CLSPN: variants seen among roughly 807,000 people sequenced by gnomAD.
CLSPN encodes claspin homolog.
Under a neutral mutation model 156.3 loss-of-function variants are expected in CLSPN, and 85 were observed. The observed-to-expected ratio is 0.54, with a 90% CI of 0.46 to 0.65. The LOEUF is 0.65. Among genes scored for constraint, CLSPN ranks in the 30% least tolerant of loss-of-function variants. The pLI is 0.00. For missense variants in CLSPN, 1,407 were observed against 1,554.9 expected, an observed-to-expected ratio of 0.90 and a Z score of 1.60; for synonymous variants, 534 against 542.4, an observed-to-expected ratio of 0.98 and a Z score of 0.22.
chr1:35,763,146 C>CT lies in CLSPN; in HGVS notation c.744+13_744+14insA. 6.5e-7 allele frequency: 1 copy of CT among 1,530,746 alleles called. No homozygotes were observed. The allele number at this position is 1,530,746 out of a possible 1,614,324, so 94.8% of individuals were successfully genotyped here. ...GCAGTTGATTAACTCTTATTGCAAT[C>CT]ATGCTTTACTTGCCTTGTGCTTTTT... On this transcript the variant is annotated intron_variant, in intron 4 of 24. Coordinates refer to ENST00000318121, the MANE Select transcript of CLSPN (RefSeq NM_022111.4).
At chr1:35,726,173 A>AAAAAAAAAAAAAC in intron 24 of CLSPN, among the ~76,000 whole-genome samples, 1 of 150,978 alleles carries the variant, frequency 6.6e-6, no homozygotes, top group Admixed American at 6.6e-5. Context: ...AAAAAAAAAA[A>AAAAAAAAAAAAAC]AAGCGCATAG....
chr1:35,747,718 A>C (rs1413491519), intron 14 of CLSPN, among the ~76,000 whole-genome samples, 189 bp downstream of exon 14: 1 of 152,252 alleles, frequency 6.6e-6, no homozygotes, highest in Non-Finnish European at 1.5e-5. Flanking sequence ...GAATGTTAGC[A>C]AGAGCTATTT....
Position 35,748,593 on chromosome 1 carries a change from A to C in CLSPN, c.2284T>G (p.Ser762Ala). ...CTCTCCTTTGTTAGCAATGAACATG[A>C]ATCATCCTCATCTAAAGAAAGAGAA... ...KQPSKLDEDD[S>A]CSLLTKESSH... Residue 762 changes from serine to alanine, a missense_variant, in exon 13 of 25, where the codon TCA (serine) becomes GCA (alanine). Ser to Ala is a moderately conservative substitution (Grantham distance 99, BLOSUM62 1). Around this residue, in one of 3 missense-constraint regions of CLSPN, gnomAD observed 1,096 missense variants for 1,193.0 expected, o/e 0.92. Coordinates refer to ENST00000318121, the MANE Select transcript of CLSPN (RefSeq NM_022111.4). 1 of 1,613,864 alleles carries C rather than the reference A, an allele frequency of 6.2e-7. No homozygotes were observed.
chr1:35,723,881 C>T (rs1331632329), intron 24 of CLSPN, among the ~76,000 whole-genome samples: 1 of 152,180 alleles, frequency 6.6e-6, no homozygotes, highest in Non-Finnish European at 1.5e-5. Context: ...ATCCCAGCTA[C>T]TTGGGAGGCT....
At chr1:35,762,926 G>T (rs1008631888) in intron 4 of CLSPN, among the ~76,000 whole-genome samples, 3 of 147,636 alleles carry the variant, frequency 2.0e-5, no homozygotes, top group Non-Finnish European at 3.0e-5. Flanking sequence ...TATCTTAGTG[G>T]TTTTTTTTTT....
chr1:35,749,959 T>G, intron 10 of CLSPN, 148 bp from the exon 11 acceptor site: 1 of 923,514 alleles, frequency 1.1e-6, no homozygotes, highest in East Asian at 2.8e-5. Flanking sequence ...ATATGACCAT[T>G]ATCAACATAA....
rs1421466815 is a variant in CLSPN, at chr1:35,733,118, C to A, written c.*3378G>T. ...TAGCTGGGACTACAGGCACCTGCCA[C>A]CACCAAGCCTGGCTGATTTTTGTAT... On this transcript the variant is annotated 3_prime_UTR_variant, in exon 25 of 25. Coordinates refer to ENST00000318121, the MANE Select transcript of CLSPN (RefSeq NM_022111.4). 1 of 228,490 alleles carries A rather than the reference C, an allele frequency of 4.4e-6. No homozygotes were observed. The highest frequency in any genetic ancestry group is 7.2e-6 in the Non-Finnish European group (1 of 138,064). 14.2% of individuals were successfully genotyped at this position (228,490 alleles called of 1,614,324 possible).
At position 35,734,362 on chromosome 1, in the gene CLSPN, G is replaced by C; in HGVS notation, c.*2134C>G. On this transcript the variant is annotated 3_prime_UTR_variant, in exon 25 of 25. Transcript: ENST00000318121. Reference sequence around the variant, plus strand: ...GTATACAAACATAAGTATTGTCAAAGTCAACATCTTGAGTATTAGAAAACT... The same window carrying C: ...GTATACAAACATAAGTATTGTCAAACTCAACATCTTGAGTATTAGAAAACT... The C allele has an allele frequency of 1.0e-6, 1 of 985,336 alleles. No homozygotes were observed. The highest frequency in any genetic ancestry group is 1.2e-6 in the Non-Finnish European group (1 of 829,900). 61.0% of individuals were successfully genotyped at this position (985,336 alleles called of 1,614,324 possible).
chr1:35,752,055 T>C (rs1163453049), intron 9 of CLSPN, among the ~76,000 whole-genome samples: 3 of 152,028 alleles, frequency 2.0e-5, no homozygotes, highest in African/African-American at 7.3e-5. Context: ...TGATTCAGAG[T>C]GGTACAACCA....
At chr1:35,726,933 C>G (rs1432971988) in intron 24 of CLSPN, among the ~76,000 whole-genome samples, 2 of 152,122 alleles carry the variant, frequency 1.3e-5, no homozygotes, top group Non-Finnish European at 2.9e-5. Context: ...GTGATCCTGC[C>G]CAATACTGGT....
intron 9 of CLSPN, 141 bp downstream of exon 9, chr1:35,753,604 G>C: frequency 1.4e-6 from 1 of 739,616 alleles, no homozygotes; most frequent in Non-Finnish European, 2.2e-6. Context: ...TGCTACACGT[G>C]AATCATGCCA....
intron 18 of CLSPN, among the ~76,000 whole-genome samples, chr1:35,742,835 C>T (rs770522716): frequency 2.5e-4 from 38 of 151,726 alleles, no homozygotes; most frequent in Non-Finnish European, 4.6e-4. Flanking sequence ...CAACCTCCAC[C>T]TCCTGGGTGC....
downstream of CLSPN, among the ~76,000 whole-genome samples, chr1:35,729,035 T>A (rs1209344054): frequency 1.3e-5 from 2 of 151,470 alleles, no homozygotes; most frequent in Non-Finnish European, 2.9e-5. Flanking sequence ...AAAACCCAGA[T>A]GATTTTTGCC....
At position 35,747,005 on chromosome 1, in the gene CLSPN, G is replaced by A. The variant is rs1475148776; in HGVS notation, c.2628-13C>T. 3 of 1,600,358 alleles carry A rather than the reference G, an allele frequency of 1.9e-6. No homozygotes were observed. The highest frequency in any genetic ancestry group is 2.6e-6 in the Non-Finnish European group (3 of 1,167,802). On this transcript the variant is annotated splice_polypyrimidine_tract_variant and intron_variant, in intron 14 of 24. Coordinates refer to ENST00000318121, the MANE Select transcript of CLSPN (RefSeq NM_022111.4). ...AACATTTAAGAACCTAAGAACCAAT[G>A]AGCACAACGAATAGTGTAAAAAATT...
downstream of CLSPN, among the ~76,000 whole-genome samples, chr1:35,729,733 T>C (rs1329797576): frequency 1.3e-5 from 2 of 152,160 alleles, no homozygotes; most frequent in Non-Finnish European, 2.9e-5. Context: ...CTATGGAGCT[T>C]TGTTGGGGCT....
In CLSPN at chr1:35,721,474, G is replaced by A. The variant is rs1041402016; in HGVS notation, c.3910-494C>T. 5.9e-5 allele frequency among the ~76,000 whole-genome samples: 9 copies of A among 152,156 alleles called. 1 individual carries two copies. The South Asian group carries it at 1.0e-3, about 18-fold the overall frequency. On this transcript the variant is annotated intron_variant, in intron 24 of 24. Coordinates refer to the CLSPN transcript ENST00000251195. ...GCGATCTCAGCTCACTGCAACCTCC[G>A]CCTCCCAGGTTCAAGTCATTCTCCT...
chr1:35,733,955 G>C lies in CLSPN; in HGVS notation c.*2541C>G. 1.0e-6 allele frequency: 1 copy of C among 962,018 alleles called. No homozygotes were observed. Among genetic ancestry groups the C allele is most frequent in the South Asian group, 4.8e-5 (1 of 20,776 alleles). 59.6% of individuals were successfully genotyped at this position (962,018 alleles called of 1,614,324 possible). Reference sequence around the variant, plus strand: ...TGATTGTGCCACTGCACTCTAACCTGGGCAACAGAATGAGACTGTCTCTAA... The same window carrying C: ...TGATTGTGCCACTGCACTCTAACCTCGGCAACAGAATGAGACTGTCTCTAA... On this transcript the variant is annotated 3_prime_UTR_variant, in exon 25 of 25. Coordinates refer to ENST00000318121, the MANE Select transcript of CLSPN (RefSeq NM_022111.4).
Position 35,737,968 on chromosome 1 carries a change from C to A in CLSPN, c.3664+24G>T, listed in dbSNP as rs200910832. 83 of 1,325,106 alleles carry A rather than the reference C, an allele frequency of 6.3e-5. No homozygotes were observed. In the East Asian group the frequency reaches 1.7e-3, roughly 27 times the overall value. 82.1% of individuals were successfully genotyped at this position (1,325,106 alleles called of 1,614,324 possible). Reference sequence around the variant, plus strand: ...ACCACTAACAATCCAGGGGGCTAGACCCTAAGGAGAAACAAGAGCTCACCA... The same window carrying A: ...ACCACTAACAATCCAGGGGGCTAGAACCTAAGGAGAAACAAGAGCTCACCA... On this transcript the variant is annotated intron_variant, in intron 22 of 24. Coordinates refer to ENST00000318121, the MANE Select transcript of CLSPN (RefSeq NM_022111.4).
chr1:35,762,395 C>T lies in CLSPN; in HGVS notation c.822+9G>A. 1 of 1,609,080 alleles carries T rather than the reference C, an allele frequency of 6.2e-7. No individual in the cohort carries two copies. Among genetic ancestry groups the T allele is most frequent in the Non-Finnish European group, 8.5e-7 (1 of 1,175,482 alleles). ...ATCAGTGTGACTAATATACAGGGCT[C>T]TACCTCACCTTCCTCGTGGTTCCTT... On this transcript the variant is annotated intron_variant, in intron 5 of 24. Coordinates refer to ENST00000318121, the MANE Select transcript of CLSPN (RefSeq NM_022111.4).
Sources: allele counts gnomAD v4.1 joint callset (sites outside exome capture counted in the v4.1 genomes callset), GRCh38; gene constraint gnomAD v4.1.1; regional missense constraint gnomAD v4.1.1; transcripts MANE v1.5; gene names NCBI Gene and HGNC (gene_info 2026-07-23, HGNC 2026-07-21).